The following CYP4Z1 variants were observed in gnomAD, a reference collection of about 807,000 sequenced individuals.
CYP4Z1 encodes cytochrome P450 4Z1.
A neutral mutation model predicts 54.2 loss-of-function variants in CYP4Z1; 41 were observed. The ratio of observed to expected loss-of-function variants is 0.76; its 90% CI spans 0.59 to 0.98. CYP4Z1 has a LOEUF of 0.98. Among genes scored for constraint, CYP4Z1 ranks in the 50% least tolerant of loss-of-function variants. CYP4Z1 has a pLI of 0.00. For synonymous variants in CYP4Z1, 163 were observed against 206.2 expected (o/e 0.79, Z 1.79); for missense variants, 513 against 599.0 (o/e 0.86, Z 1.50).
intron 6 of CYP4Z1, among the ~76,000 whole-genome samples, chr1:47,090,530 C>G (rs1308410945): frequency 1.3e-5 from 2 of 152,198 alleles, no homozygotes. Context: ...TAATTAAAAT[C>G]TCCCTGCAAA....
chr1:47,059,146 G>GTAAT, the CYP4Z1 span, among the ~76,000 whole-genome samples: 1 of 152,024 alleles, frequency 6.6e-6, no homozygotes, highest in Non-Finnish European at 1.5e-5. Flanking sequence ...TAAGAACAAA[G>GTAAT]TAATCAAAGA....
Position 47,117,974 on chromosome 1 carries a change from C to A in CYP4Z1, c.*40C>A, listed in dbSNP as rs1429406231. On this transcript the variant is annotated 3_prime_UTR_variant, in exon 12 of 12. Coordinates refer to ENST00000334194, the MANE Select transcript of CYP4Z1 (RefSeq NM_178134.3). ...GTATAAGAATTAATGAGACAATTTT[C>A]CTACCAAAGGAAGAACAAAAGGATA... 1 of 1,586,504 alleles carries A rather than the reference C, an allele frequency of 6.3e-7. No homozygotes were observed. The highest frequency in any genetic ancestry group is 2.3e-5 in the East Asian group (1 of 44,252).
Position 47,095,955 on chromosome 1 carries a change from G to GA in CYP4Z1, c.876+1287dup, listed in dbSNP as rs201262845. ...AAAAATAAATAGATACTCTGTGAGG[G>GA]ACCAAAATAAATAAATACTCTGTGA... On this transcript the variant is annotated intron_variant, in intron 7 of 11. Transcript: ENST00000334194. Among the ~76,000 whole-genome samples, 756 of 152,180 alleles carry GA rather than the reference G, an allele frequency of 5.0e-3. 7 individuals are homozygous for GA. Among genetic ancestry groups the GA allele is most frequent in the African/African-American group, 0.017 (708 of 41,514 alleles).
chr1:47,104,176 G>A lies in CYP4Z1; in HGVS notation c.1068-1952G>A, dbSNP rs74073791. On this transcript the variant is annotated intron_variant, in intron 8 of 11. Coordinates refer to ENST00000334194, the MANE Select transcript of CYP4Z1 (RefSeq NM_178134.3). Reference sequence around the variant, plus strand: ...TAGGATGCTTTGGCTTTGATTCTGGGCATGTGCAGTAGTGTAATCGCTGTA... The same window carrying A: ...TAGGATGCTTTGGCTTTGATTCTGGACATGTGCAGTAGTGTAATCGCTGTA... Among the ~76,000 whole-genome samples the A allele has an allele frequency of 7.3e-3, 1,113 of 152,276 alleles. 15 individuals are homozygous for A. The highest frequency in any genetic ancestry group is 0.024 in the African/African-American group (1,015 of 41,546).
chr1:47,103,185 C>CTT (rs146913944), intron 8 of CYP4Z1, among the ~76,000 whole-genome samples: 2 of 146,618 alleles, frequency 1.4e-5, no homozygotes, highest in African/African-American at 5.0e-5. Context: ...TGTTCAGTTC[C>CTT]TTTTTTTTTT....
At chr1:47,064,399 C>T (rs143533112), upstream of CYP4Z1, among the ~76,000 whole-genome samples, 132 of 152,082 alleles carry the variant, frequency 8.7e-4, no homozygotes, top group African/African-American at 3.1e-3. Context: ...TATTTTTAGC[C>T]TCCTTAAACA....
chr1:47,101,032 G>A (rs1243621900), intron 8 of CYP4Z1, among the ~76,000 whole-genome samples: 3 of 152,140 alleles, frequency 2.0e-5, no homozygotes, highest in South Asian at 2.1e-4. Flanking sequence ...AGGTTTTCTA[G>A]TTTGTTAGTG....
chr1:47,083,108 C>T (rs1644567597), intron 4 of CYP4Z1, among the ~76,000 whole-genome samples: 1 of 152,050 alleles, frequency 6.6e-6, no homozygotes, highest in African/African-American at 2.4e-5. Context: ...GTGATTGCGA[C>T]AACTCAAAGA....
chr1:47,113,840 G>T (rs1414606018), intron 9 of CYP4Z1, among the ~76,000 whole-genome samples: 1 of 152,154 alleles, frequency 6.6e-6, no homozygotes, highest in East Asian at 1.9e-4. Context: ...TGGGTAGGAA[G>T]AATCAATATC....
At chr1:47,068,597 C>A (rs1264651347) in intron 1 of CYP4Z1, 25 bp from the exon 2 acceptor site, 1 of 1,611,892 alleles carries the variant, frequency 6.2e-7, no homozygotes, top group African/African-American at 1.3e-5. Flanking sequence ...CCTTTACTAA[C>A]CAGTCATGAC....
the CYP4Z1 span, among the ~76,000 whole-genome samples, chr1:47,055,954 T>C: frequency 6.6e-6 from 1 of 152,196 alleles, no homozygotes; most frequent in African/African-American, 2.4e-5. Flanking sequence ...TTTCTTGCCT[T>C]CTGCTAGCTT....
chr1:47,107,228 G>C (rs1644763190), intron 9 of CYP4Z1, among the ~76,000 whole-genome samples: 1 of 152,142 alleles, frequency 6.6e-6, no homozygotes, highest in Admixed American at 6.5e-5. Flanking sequence ...GGAAATACTA[G>C]TGTTATGCAC....
In CYP4Z1 at chr1:47,118,063, C is replaced by T. The variant is rs1273525104; in HGVS notation, c.*129C>T. The T allele has an allele frequency of 6.4e-6, 6 of 944,716 alleles. No homozygotes were observed. Among genetic ancestry groups the T allele is most frequent in the Non-Finnish European group, 8.9e-6 (6 of 673,696 alleles). 58.5% of individuals were successfully genotyped at this position (944,716 alleles called of 1,614,324 possible). On this transcript the variant is annotated 3_prime_UTR_variant, in exon 12 of 12. Coordinates refer to ENST00000334194, the MANE Select transcript of CYP4Z1 (RefSeq NM_178134.3). Reference sequence around the variant, plus strand: ...ATTATATAACTTAGGATACTTCTGACTGGTTTTGACATCCATTAACAGTAA... The same window carrying T: ...ATTATATAACTTAGGATACTTCTGATTGGTTTTGACATCCATTAACAGTAA...
chr1:47,056,423 A>G, the CYP4Z1 span, among the ~76,000 whole-genome samples: 1 of 152,122 alleles, frequency 6.6e-6, no homozygotes, highest in African/African-American at 2.4e-5. Context: ...AGTTCTGTAG[A>G]TGTCTATTAG....
upstream of CYP4Z1, among the ~76,000 whole-genome samples, chr1:47,065,496 A>T (rs1644444748): frequency 6.6e-6 from 1 of 152,154 alleles, no homozygotes; most frequent in South Asian, 2.1e-4. Context: ...AATAATAGTG[A>T]CACAACCTAT....
chr1:47,115,590 TC>T lies in CYP4Z1; in HGVS notation c.1264del (p.Gln422ArgfsTer6). 1 of 1,613,456 alleles carries T rather than the reference TC, an allele frequency of 6.2e-7. No individual in the cohort carries two copies. The highest frequency in any genetic ancestry group is 1.1e-5 in the South Asian group (1 of 91,064). ...ACAACCCCTATTTCTGGGAAGACCCTCAGGTATGATTGTCCCAACTGCACCC... is the reference window on the plus strand; with the variant it reads ...ACAACCCCTATTTCTGGGAAGACCCTAGGTATGATTGTCCCAACTGCACCC... ...HHNPYFWEDP[Q>X]VFNPLRFSRE... is the part of the protein sequence containing the mutation. On this transcript the variant is annotated frameshift_variant and splice_region_variant, in exon 10 of 12. Transcript: ENST00000334194. LOFTEE classifies it high-confidence loss of function.
chr1:47,099,077 A>T lies in CYP4Z1; in HGVS notation c.877-17A>T. On this transcript the variant is annotated splice_polypyrimidine_tract_variant and intron_variant, in intron 7 of 11. Coordinates refer to ENST00000334194, the MANE Select transcript of CYP4Z1 (RefSeq NM_178134.3). The stretch of plus-strand genomic sequence containing the variant: ...CCATAGCCAGCTTTGGATAAAGATC[A>T]TCACTGTATTTTTTAGAGCGAAAAC... The T allele has an allele frequency of 6.2e-7, 1 of 1,613,936 alleles. No individual in the cohort carries two copies. Among genetic ancestry groups the T allele is most frequent in the Non-Finnish European group, 8.5e-7 (1 of 1,179,790 alleles).
the CYP4Z1 span, among the ~76,000 whole-genome samples, chr1:47,057,543 C>T: frequency 7.1e-6 from 1 of 140,010 alleles, no homozygotes; most frequent in African/African-American, 2.6e-5. Flanking sequence ...AATTATATGC[C>T]TTTAAAGTCA....
chr1:47,058,728 C>T, the CYP4Z1 span, among the ~76,000 whole-genome samples: 1 of 152,116 alleles, frequency 6.6e-6, no homozygotes, highest in Non-Finnish European at 1.5e-5. Flanking sequence ...ACCAGAACCA[C>T]ATAAGTGGTT....
Sources: gnomAD v4.1 joint callset for allele counts (sites outside exome capture counted in the v4.1 genomes callset) on GRCh38, gnomAD v4.1.1 for gene constraint, MANE v1.5 for transcripts, NCBI Gene and HGNC (gene_info 2026-07-23, HGNC 2026-07-21) for gene names.